MSANTD3: variants seen among roughly 807,000 people sequenced by gnomAD.
MSANTD3 encodes myb/SANT-like DNA-binding domain-containing protein 3.
Under a neutral mutation model 27.7 loss-of-function variants are expected in MSANTD3, and 11 were observed. The observed-to-expected ratio is 0.40, with a 90% CI of 0.25 to 0.66. The LOEUF is 0.66. Ranked by LOEUF, MSANTD3 falls within the 30% of genes least tolerant of loss-of-function variation. The pLI, the probability that MSANTD3 is intolerant of heterozygous loss-of-function variation, is 0.41. For missense variants in MSANTD3, 250 were observed against 336.5 expected, an observed-to-expected ratio of 0.74 and a Z score of 2.01; for synonymous variants, 131 against 127.2, an observed-to-expected ratio of 1.03 and a Z score of -0.20.
chr9:100,430,348 A>G (rs971057114), intron 1 of MSANTD3, among the ~76,000 whole-genome samples: 1 of 147,490 alleles, frequency 6.8e-6, no homozygotes, highest in African/African-American at 2.5e-5. Context: ...AAAAAGAGAG[A>G]TTGAAAATGG....
chr9:100,448,212 A>AAAAAAAAG (rs1554750476), intron 2 of MSANTD3: 1 of 968,032 alleles, frequency 1.0e-6, no homozygotes, highest in African/African-American at 1.8e-5. Flanking sequence ...AAAAAAAAAA[A>AAAAAAAAG]AAGAAGAAGA....
At chr9:100,450,227 A>G (rs530795474) in intron 2 of MSANTD3, among the ~76,000 whole-genome samples, 1 of 152,344 alleles carries the variant, frequency 6.6e-6, no homozygotes, top group East Asian at 1.9e-4. Flanking sequence ...CGCTCATCAG[A>G]GTTGGGCATA....
At position 100,451,053 on chromosome 9, in the gene MSANTD3, A is replaced by C; in HGVS notation, c.*87A>C. On this transcript the variant is annotated 3_prime_UTR_variant, in exon 3 of 3. Transcript: ENST00000395067. The stretch of plus-strand genomic sequence containing the variant: ...CTTGGCGGTCAGTAACCTGTAACAG[A>C]GCTACAACTAGGAAAATTAGAGTGG... 1 of 1,323,106 alleles carries C rather than the reference A, an allele frequency of 7.6e-7. No homozygotes were observed. The highest frequency in any genetic ancestry group is 1.0e-6 in the Non-Finnish European group (1 of 966,440). 82.0% of individuals were successfully genotyped at this position (1,323,106 alleles called of 1,614,324 possible).
chr9:100,431,080 G>T (rs1276777063), intron 1 of MSANTD3, among the ~76,000 whole-genome samples: 12 of 151,048 alleles, frequency 7.9e-5, no homozygotes, highest in African/African-American at 2.9e-4. Flanking sequence ...TCGGCTCACC[G>T]CAACTTCCAC....
In MSANTD3 at chr9:100,427,229, G is replaced by C. The variant is rs1268207413; in HGVS notation, c.-198G>C. The stretch of plus-strand genomic sequence containing the variant: ...GCTTTGTGGCCGCGGCGCGCGCGGC[G>C]GGGCCTGGCCGGCCGGGGGCGCGCC... On this transcript the variant is annotated 5_prime_UTR_variant, in exon 1 of 3. Coordinates refer to ENST00000395067, the MANE Select transcript of MSANTD3 (RefSeq NM_080655.3). 2 of 145,686 alleles carry C rather than the reference G, an allele frequency of 1.4e-5. No individual in the cohort carries two copies. Among genetic ancestry groups the C allele is most frequent in the Non-Finnish European group, 3.0e-5 (2 of 65,616 alleles). 9.0% of individuals were successfully genotyped at this position (145,686 alleles called of 1,614,324 possible). A position where few individuals can be genotyped will look rare whatever the true frequency, so the allele number is the denominator to read the frequency against.
rs560769833 is a variant in MSANTD3, at chr9:100,434,569, C to G, written c.-34+7176C>G. ...AACAGTCTTTGGTGTATACTTCCTC[C>G]TTTCCAATAACATTGTCCCCACTCA... On this transcript the variant is annotated intron_variant, in intron 1 of 2. Transcript: ENST00000395067. Among the ~76,000 whole-genome samples the G allele has an allele frequency of 7.2e-5, 11 of 152,238 alleles. No individual in the cohort carries two copies. The East Asian group carries it at 2.1e-3, about 29-fold the overall frequency.
At chr9:100,438,409 AAAG>A (rs1459873855) in intron 1 of MSANTD3, among the ~76,000 whole-genome samples, 2 of 151,376 alleles carry the variant, frequency 1.3e-5, no homozygotes, top group Non-Finnish European at 3.0e-5. Context: ...AAAATAGAAA[AAAG>A]AGATTTATTT....
chr9:100,450,973 G>C lies in MSANTD3; in HGVS notation c.*7G>C. 1.3e-6 allele frequency: 2 copies of C among 1,559,526 alleles called. No homozygotes were observed. Among genetic ancestry groups the C allele is most frequent in the Non-Finnish European group, 1.7e-6 (2 of 1,158,552 alleles). ...CTTTCCCAATTCGCCCTAAGACTTT[G>C]GGGGTGGCTCTCTTGTAATTAATCT... On this transcript the variant is annotated 3_prime_UTR_variant, in exon 3 of 3. Coordinates refer to ENST00000395067, the MANE Select transcript of MSANTD3 (RefSeq NM_080655.3).
chr9:100,441,239 A>C (rs565349227), intron 1 of MSANTD3, among the ~76,000 whole-genome samples: 1 of 151,960 alleles, frequency 6.6e-6, no homozygotes, highest in Non-Finnish European at 1.5e-5. Flanking sequence ...TTTTGTCCTC[A>C]GCTGTGACAA....
At chr9:100,430,078 GTC>G (rs759081374) in intron 1 of MSANTD3, among the ~76,000 whole-genome samples, 140 of 140,796 alleles carry the variant, frequency 9.9e-4, no homozygotes, top group Non-Finnish European at 1.9e-3. Flanking sequence ...TGCCCTGCTA[GTC>G]TCTCCTCTCT....
At position 100,450,542 on chromosome 9, in the gene MSANTD3, G is replaced by T; in HGVS notation, c.419-15G>T. The T allele has an allele frequency of 9.3e-6, 14 of 1,498,192 alleles. No homozygotes were observed. Among genetic ancestry groups the T allele is most frequent in the South Asian group, 5.7e-5 (4 of 70,026 alleles). 92.8% of individuals were successfully genotyped at this position (1,498,192 alleles called of 1,614,324 possible). ...TAAAATCTTTGAACATATGTTTTCT[G>T]CTACTGTTTTTCAGAATCATTTGCT... On this transcript the variant is annotated splice_polypyrimidine_tract_variant and intron_variant, in intron 2 of 2. Transcript: ENST00000395067.
At chr9:100,446,846 A>G (rs1408745674) in intron 2 of MSANTD3, among the ~76,000 whole-genome samples, 1 of 151,822 alleles carries the variant, frequency 6.6e-6, no homozygotes, top group African/African-American at 2.4e-5. Flanking sequence ...AAAAAGATCA[A>G]TTCCCACTGC....
intron 2 of MSANTD3, among the ~76,000 whole-genome samples, chr9:100,446,536 A>C (rs1268189751): frequency 6.6e-6 from 1 of 152,120 alleles, no homozygotes; most frequent in Admixed American, 6.6e-5. Flanking sequence ...TTTTAAGATC[A>C]ATTCCTAGGC....
intron 2 of MSANTD3, among the ~76,000 whole-genome samples, chr9:100,447,781 A>G (rs1836789339): frequency 2.6e-5 from 4 of 152,248 alleles, no homozygotes; most frequent in Admixed American, 2.6e-4. Context: ...ATAAAGCACT[A>G]GCCTAGGACC....
At chr9:100,442,808 C>CAAAA (rs59051169) in intron 2 of MSANTD3, among the ~76,000 whole-genome samples, 9 of 55,882 alleles carry the variant, frequency 1.6e-4, no homozygotes, top group African/African-American at 5.5e-4. Context: ...GACCCTGTCT[C>CAAAA]AAAAAAAAAA....
chr9:100,448,073 T>C (rs1356188028), intron 2 of MSANTD3: 6 of 285,400 alleles, frequency 2.1e-5, no homozygotes, highest in Non-Finnish European at 3.1e-5. Context: ...ATGCCTGTAG[T>C]CCCAGCTAGT....
chr9:100,428,488 T>C (rs1421419424), intron 1 of MSANTD3, among the ~76,000 whole-genome samples: 1 of 152,074 alleles, frequency 6.6e-6, no homozygotes, highest in African/African-American at 2.4e-5. Flanking sequence ...TCTGAAGTCC[T>C]GGAGGAAGAT....
At chr9:100,440,235 A>G (rs1455688574) in intron 1 of MSANTD3, among the ~76,000 whole-genome samples, 1 of 152,190 alleles carries the variant, frequency 6.6e-6, no homozygotes, top group Admixed American at 6.5e-5. Flanking sequence ...ACCCAAGGCA[A>G]GAGGCCGAGA....
chr9:100,448,491 G>A (rs79477691), intron 2 of MSANTD3: 1 of 985,278 alleles, frequency 1.0e-6, no homozygotes, highest in African/African-American at 1.7e-5. Context: ...CCTTTGTCCT[G>A]TGCCTTGGTT....
Sources: gnomAD v4.1 joint callset for allele counts (sites outside exome capture counted in the v4.1 genomes callset) on GRCh38, gnomAD v4.1.1 for gene constraint, MANE v1.5 for transcripts, NCBI Gene and HGNC (gene_info 2026-07-23, HGNC 2026-07-21) for gene names.